CAP2: variants seen among roughly 807,000 people sequenced by gnomAD.
The protein encoded by CAP2 is adenylyl cyclase-associated protein 2.
In CAP2, 24 loss-of-function variants were observed where a neutral mutation model predicts 57.7. The observed-to-expected ratio is 0.42, with a 90% CI of 0.30 to 0.58. The LOEUF is 0.58. CAP2 is among the 20% of genes least tolerant of loss of function. The pLI is 0.22. For synonymous variants in CAP2, 194 were observed against 207.2 expected, an observed-to-expected ratio of 0.94 and a Z score of 0.55; for missense variants, 501 against 590.3, an observed-to-expected ratio of 0.85 and a Z score of 1.57.
At chr6:17,490,306 A>C (rs1184905498) in intron 4 of CAP2, among the ~76,000 whole-genome samples, 1 of 152,150 alleles carries the variant, frequency 6.6e-6, no homozygotes, top group Admixed American at 6.5e-5. Context: ...ATGAGTCCAC[A>C]TCTGTGGCTA....
At chr6:17,416,646 T>C (rs756168901) in intron 1 of CAP2, among the ~76,000 whole-genome samples, 7 of 152,046 alleles carry the variant, frequency 4.6e-5, no homozygotes, top group Non-Finnish European at 1.0e-4. Flanking sequence ...TACACAGAGA[T>C]AGAGTCATGT....
At chr6:17,547,154 A>G (rs1269571055) in intron 11 of CAP2, among the ~76,000 whole-genome samples, 1 of 152,252 alleles carries the variant, frequency 6.6e-6, no homozygotes, top group Non-Finnish European at 1.5e-5. Context: ...AAGGAGAACT[A>G]TAAGCCACTG....
At chr6:17,460,993 TCA>T (rs1760705193) in intron 3 of CAP2, among the ~76,000 whole-genome samples, 1 of 151,914 alleles carries the variant, frequency 6.6e-6, no homozygotes, top group Admixed American at 6.6e-5. Context: ...ACTAAAAAAT[TCA>T]AAAGTTAGCC....
chr6:17,484,221 T>C (rs936468750), intron 4 of CAP2, among the ~76,000 whole-genome samples: 1 of 152,090 alleles, frequency 6.6e-6, no homozygotes, highest in African/African-American at 2.4e-5. Context: ...TCTTCCCTGA[T>C]AGCGAAGATG....
intron 3 of CAP2, among the ~76,000 whole-genome samples, chr6:17,429,780 T>C (rs182487780): frequency 2.0e-5 from 3 of 152,300 alleles, no homozygotes; most frequent in African/African-American, 7.2e-5. Context: ...AAGTTTAGAC[T>C]CCAGCTCTAC....
chr6:17,510,605 CT>C (rs1172624473), intron 6 of CAP2, among the ~76,000 whole-genome samples: 1 of 152,222 alleles, frequency 6.6e-6, no homozygotes, highest in African/African-American at 2.4e-5. Context: ...GTATTAGAGA[CT>C]TTAGAACTGT....
intron 4 of CAP2, among the ~76,000 whole-genome samples, chr6:17,477,798 T>C (rs920539384): frequency 2.0e-5 from 3 of 152,222 alleles, no homozygotes; most frequent in Non-Finnish European, 2.9e-5. Context: ...CTATTTTTCT[T>C]GAAAAGAAAC....
At chr6:17,529,875 TAA>T (rs1002779611) in intron 7 of CAP2, among the ~76,000 whole-genome samples, 2 of 151,780 alleles carry the variant, frequency 1.3e-5, no homozygotes, top group Non-Finnish European at 2.9e-5. Flanking sequence ...GAAAAATTGA[TAA>T]AGAGTATTTT....
intron 7 of CAP2, among the ~76,000 whole-genome samples, chr6:17,518,135 A>C (rs937003554): frequency 7.9e-5 from 12 of 152,320 alleles, no homozygotes; most frequent in Middle Eastern, 3.4e-3. Flanking sequence ...TTGGTCAGAT[A>C]TTAAAAATGA....
rs182873141 is a variant in CAP2 at position 17,512,420 on chromosome 6, A to G, written c.531-1429A>G. Among the ~76,000 whole-genome samples, 183 of 152,244 alleles carry G rather than the reference A, an allele frequency of 1.2e-3. 4 individuals carry two copies. Among genetic ancestry groups the G allele is most frequent in the Admixed American group, 8.9e-3 (136 of 15,292 alleles). ...CTAAAAAAAAAAAAGAGAAGAAAGT[A>G]TATTGAATGTCAACATGCTATTTCT... On this transcript the variant is annotated intron_variant, in intron 6 of 12. Coordinates refer to ENST00000229922, the MANE Select transcript of CAP2 (RefSeq NM_006366.3).
chr6:17,542,188 C>G (rs895398357), intron 9 of CAP2, among the ~76,000 whole-genome samples: 1 of 152,148 alleles, frequency 6.6e-6, no homozygotes, highest in African/African-American at 2.4e-5. Context: ...AATCAGGCAG[C>G]AAGACAGACC....
chr6:17,503,699 TC>T (rs1761897037), intron 4 of CAP2, among the ~76,000 whole-genome samples: 1 of 151,254 alleles, frequency 6.6e-6, no homozygotes, highest in South Asian at 2.1e-4. Flanking sequence ...AAAGACCCTA[TC>T]TTCAAATATG....
intron 11 of CAP2, among the ~76,000 whole-genome samples, chr6:17,548,817 T>G (rs1251477913): frequency 2.0e-5 from 3 of 152,224 alleles, no homozygotes; most frequent in Admixed American, 6.5e-5. Context: ...AGATGGAAAT[T>G]TGTATTTTAG....
At chr6:17,472,953 T>G (rs1001466887) in intron 4 of CAP2, among the ~76,000 whole-genome samples, 1 of 152,108 alleles carries the variant, frequency 6.6e-6, no homozygotes, top group African/African-American at 2.4e-5. Context: ...GTTGGTAGCT[T>G]TATAGGTATT....
chr6:17,420,695 A>G (rs979458604), intron 1 of CAP2, among the ~76,000 whole-genome samples: 1 of 152,232 alleles, frequency 6.6e-6, no homozygotes, highest in African/African-American at 2.4e-5. Context: ...TAAAAAGTTA[A>G]GTGCTGTACA....
At chr6:17,555,746 T>A (rs28520336) in intron 12 of CAP2, among the ~76,000 whole-genome samples, 14,875 of 151,236 alleles carry the variant, frequency 0.098, 815 homozygotes, top group Non-Finnish European at 0.12. Context: ...TGTATTTTTT[T>A]AGTAGAGATA....
intron 11 of CAP2, among the ~76,000 whole-genome samples, chr6:17,545,028 T>G (rs531322347): frequency 1.3e-5 from 2 of 152,320 alleles, no homozygotes; most frequent in African/African-American, 4.8e-5. Context: ...GAAGAGCTAT[T>G]TTGGATGGTG....
intron 7 of CAP2, among the ~76,000 whole-genome samples, chr6:17,525,167 T>C (rs1017769085): frequency 6.6e-6 from 1 of 152,010 alleles, no homozygotes; most frequent in Admixed American, 6.6e-5. Flanking sequence ...CCTCCCAAAG[T>C]GCTGGGATTA....
chr6:17,508,204 G>C (rs1275835021), intron 6 of CAP2, among the ~76,000 whole-genome samples: 3 of 152,164 alleles, frequency 2.0e-5, no homozygotes, highest in Non-Finnish European at 4.4e-5. Flanking sequence ...ATACAACTGG[G>C]GTGTACGCAG....
Sources: allele counts gnomAD v4.1 joint callset (sites outside exome capture counted in the v4.1 genomes callset), GRCh38; gene constraint gnomAD v4.1.1; transcripts MANE v1.5; gene names NCBI Gene and HGNC (gene_info 2026-07-23, HGNC 2026-07-21).